Variants in SPCS2 observed in about 807,000 individuals in gnomAD.
SPCS2 encodes signal peptidase complex subunit 2, also known as SPase 25 kDa subunit.
SPCS2 carries 3 observed loss-of-function variants against 22.3 expected under a neutral mutation model. The ratio of observed to expected loss-of-function variants is 0.13; its 90% CI spans 0.06 to 0.35. The LOEUF (loss-of-function observed/expected upper bound fraction) is 0.35, where lower values mean the gene tolerates loss of function less well. Ranked by LOEUF, SPCS2 falls within the 10% of genes least tolerant of loss-of-function variation. SPCS2 has a pLI of 1.00. For synonymous variants in SPCS2, 67 were observed against 97.2 expected (o/e 0.69, Z 1.83); for missense variants, 169 against 280.9 (o/e 0.60, Z 2.85).
intron 4 of SPCS2, among the ~76,000 whole-genome samples, chr11:74,976,087 A>G (rs1948611856): frequency 6.6e-6 from 1 of 152,222 alleles, no homozygotes; most frequent in Admixed American, 6.5e-5. Context: ...GATTGATTAC[A>G]GAGTGCAAGG....
At chr11:74,974,996 T>C (rs2140222188) in intron 4 of SPCS2, among the ~76,000 whole-genome samples, 1 of 152,246 alleles carries the variant, frequency 6.6e-6, no homozygotes, top group Middle Eastern at 3.4e-3. Flanking sequence ...AAGTGATCCT[T>C]TTGAAACATA....
At chr11:74,961,726 C>T (rs145963276) in intron 1 of SPCS2, among the ~76,000 whole-genome samples, 7 of 152,164 alleles carry the variant, frequency 4.6e-5, no homozygotes, top group East Asian at 1.9e-4. Context: ...TGGGGTTTCA[C>T]AATGTTGGCC....
chr11:74,969,086 T>G (rs551750670), intron 3 of SPCS2, among the ~76,000 whole-genome samples: 1 of 152,204 alleles, frequency 6.6e-6, no homozygotes, highest in Non-Finnish European at 1.5e-5. Context: ...TAATAATAAG[T>G]CTATATGCAT....
chr11:74,977,289 G>C lies in SPCS2; in HGVS notation c.*246G>C, dbSNP rs1948621003. The C allele has an allele frequency of 4.3e-6, 1 of 230,554 alleles. No individual in the cohort carries two copies. Among genetic ancestry groups the C allele is most frequent in the South Asian group, 8.5e-5 (1 of 11,732 alleles). The allele number at this position is 230,554 out of a possible 1,614,324, so 14.3% of individuals were successfully genotyped here. On this transcript the variant is annotated 3_prime_UTR_variant, in exon 5 of 5. Coordinates refer to ENST00000263672, the MANE Select transcript of SPCS2 (RefSeq NM_014752.3). ...TGCATTATTTTAATTTGCTTTTCTGGGAAAGCAGTTTTGCTAAAAGCTGTA... is the reference window on the plus strand; with the variant it reads ...TGCATTATTTTAATTTGCTTTTCTGCGAAAGCAGTTTTGCTAAAAGCTGTA...
intron 1 of SPCS2, among the ~76,000 whole-genome samples, chr11:74,953,000 A>G (rs1948455507): frequency 1.3e-5 from 2 of 152,190 alleles, no homozygotes; most frequent in South Asian, 4.1e-4. Flanking sequence ...ACACAAGATA[A>G]GTACTTTTAG....
chr11:74,957,734 A>G (rs1002111131), intron 1 of SPCS2, among the ~76,000 whole-genome samples: 4 of 152,166 alleles, frequency 2.6e-5, no homozygotes, highest in African/African-American at 7.2e-5. Context: ...TTTATAATTC[A>G]TTGTAAGTAT....
intron 1 of SPCS2, chr11:74,963,610 A>G (rs112441408): frequency 4.3e-5 from 19 of 441,172 alleles, no homozygotes; most frequent in African/African-American, 2.0e-4. Flanking sequence ...AGCTCTCACT[A>G]TATTGCCCAG....
At chr11:74,958,747 T>C (rs1336941876) in intron 1 of SPCS2, among the ~76,000 whole-genome samples, 1 of 152,126 alleles carries the variant, frequency 6.6e-6, no homozygotes, top group Non-Finnish European at 1.5e-5. Flanking sequence ...ATGTTCCTTA[T>C]AACTAGTCTG....
At chr11:74,961,482 C>T (rs1162553562) in intron 1 of SPCS2, among the ~76,000 whole-genome samples, 2 of 152,138 alleles carry the variant, frequency 1.3e-5, no homozygotes, top group African/African-American at 2.4e-5. Flanking sequence ...TGCCTACATA[C>T]ATTTGTATTT....
intron 1 of SPCS2, among the ~76,000 whole-genome samples, chr11:74,953,445 G>A (rs1055189883): frequency 3.3e-5 from 5 of 152,030 alleles, no homozygotes; most frequent in African/African-American, 4.8e-5. Context: ...CAACGGCCTC[G>A]GCCTCCCAAA....
At chr11:74,965,299 A>G (rs1325236081) in intron 2 of SPCS2, 182 bp downstream of exon 2, 10 of 512,018 alleles carry the variant, frequency 2.0e-5, no homozygotes, top group Non-Finnish European at 3.1e-5. Flanking sequence ...TATCACCAAC[A>G]TGGCACATGT....
rs903270813 is a variant in SPCS2, at chr11:74,978,347, A to C, written c.*1304A>C. ...CACATGGTAGGGAATTGTGAACAAC[A>C]CTGGACAGAAAGTTAAAGCCTTGGA... On this transcript the variant is annotated 3_prime_UTR_variant, in exon 5 of 5. Transcript: ENST00000263672. 1.3e-5 allele frequency: 2 copies of C among 152,222 alleles called. No homozygotes were observed. The highest frequency in any genetic ancestry group is 2.9e-5 in the Non-Finnish European group (2 of 68,042). The allele number at this position is 152,222 out of a possible 1,614,324, so 9.4% of individuals were successfully genotyped here. A position where few individuals can be genotyped will look rare whatever the true frequency, so the allele number is the denominator to read the frequency against.
rs563946669 is a variant in SPCS2, at chr11:74,953,256, A to G, written c.114+3857A>G. ...TTGAGACAGAGTCTCGATTTGTCGCAATCTCCACTCACTGCAACCCCCGCC... is the reference window on the plus strand; with the variant it reads ...TTGAGACAGAGTCTCGATTTGTCGCGATCTCCACTCACTGCAACCCCCGCC... On this transcript the variant is annotated intron_variant, in intron 1 of 4. Coordinates refer to ENST00000263672, the MANE Select transcript of SPCS2 (RefSeq NM_014752.3). 9.8e-4 allele frequency among the ~76,000 whole-genome samples: 148 copies of G among 151,048 alleles called. 1 individual carries two copies. The highest frequency in any genetic ancestry group is 3.4e-3 in the African/African-American group (139 of 41,132).
intron 1 of SPCS2, among the ~76,000 whole-genome samples, chr11:74,962,357 G>A (rs1371373246): frequency 6.6e-6 from 1 of 152,080 alleles, no homozygotes; most frequent in Non-Finnish European, 1.5e-5. Flanking sequence ...ACCAGCCAAG[G>A]GCCAACCTTG....
intron 3 of SPCS2, among the ~76,000 whole-genome samples, chr11:74,966,657 T>TC (rs2140218651): frequency 6.6e-6 from 1 of 152,302 alleles, no homozygotes; most frequent in East Asian, 1.9e-4. Flanking sequence ...TGATTTTTTT[T>TC]CTCAAGAAGT....
chr11:74,963,609 T>C, intron 1 of SPCS2: 1 of 441,366 alleles, frequency 2.3e-6, no homozygotes, highest in Middle Eastern at 3.4e-4. Context: ...AAGCTCTCAC[T>C]ATATTGCCCA....
intron 1 of SPCS2, chr11:74,963,544 A>ATTGTTTGT (rs752236848): frequency 9.2e-5 from 37 of 403,702 alleles, no homozygotes; most frequent in African/African-American, 3.7e-4. Flanking sequence ...TTTATTTTTT[A>ATTGTTTGT]TTGTTTGTTT....
intron 4 of SPCS2, among the ~76,000 whole-genome samples, chr11:74,971,441 C>A (rs115344297): frequency 0.012 from 1,756 of 152,276 alleles, 45 homozygotes; most frequent in African/African-American, 0.04. Flanking sequence ...AAGTGGCTGC[C>A]CTATTTTACA....
chr11:74,965,623 C>T, intron 2 of SPCS2, 140 bp from the exon 3 acceptor site: 1 of 651,908 alleles, frequency 1.5e-6, no homozygotes, highest in South Asian at 2.3e-5. Context: ...TTGAGTTTTA[C>T]TTGTTTGGTG....
Sources: gnomAD v4.1 joint callset for allele counts (sites outside exome capture counted in the v4.1 genomes callset) on GRCh38, gnomAD v4.1.1 for gene constraint, MANE v1.5 for transcripts, NCBI Gene and HGNC (gene_info 2026-07-23, HGNC 2026-07-21) for gene names.